Variants in MAML2 observed in about 807,000 individuals in gnomAD.
MAML2 encodes mastermind like transcriptional coactivator 2, also known as mastermind-like protein 2.
Under a neutral mutation model 96.1 loss-of-function variants are expected in MAML2, and 22 were observed. The ratio of observed to expected loss-of-function variants is 0.23; its 90% CI spans 0.16 to 0.33. The LOEUF (loss-of-function observed/expected upper bound fraction) is 0.33. Ranked by LOEUF, MAML2 falls within the 10% of genes least tolerant of loss-of-function variation. The probability of loss-of-function intolerance (pLI) is 1.00; values close to 1 mark genes in which losing one functional copy is unlikely to be tolerated. For synonymous variants in MAML2, 561 were observed against 521.3 expected (o/e 1.08, Z -1.04); for missense variants, 1,367 against 1,392.4 (o/e 0.98, Z 0.29).
intron 1 of MAML2, among the ~76,000 whole-genome samples, chr11:96,250,034 G>A (rs1384133189): frequency 2.6e-5 from 4 of 152,066 alleles, no homozygotes; most frequent in Non-Finnish European, 4.4e-5. Context: ...CTTTGCACTT[G>A]CTATTCCCTC....
In MAML2 at chr11:96,317,130, C is replaced by T. The variant is rs376988008; in HGVS notation, c.513+24253G>A. ...CCTGCTTGCATTCACTGAAATGGTG[C>T]CTGTGGAAGGAGTAAATTGTTCCAT... On this transcript the variant is annotated intron_variant, in intron 1 of 4. Coordinates refer to ENST00000524717, the MANE Select transcript of MAML2 (RefSeq NM_032427.4). Among the ~76,000 whole-genome samples the T allele has an allele frequency of 8.9e-4, 136 of 152,198 alleles. No homozygotes were observed. The Middle Eastern group carries it at 0.01, about 11-fold the overall frequency.
At chr11:96,222,325 T>C (rs1313688214) in intron 1 of MAML2, among the ~76,000 whole-genome samples, 1 of 152,166 alleles carries the variant, frequency 6.6e-6, no homozygotes, top group Non-Finnish European at 1.5e-5. Context: ...TGCACAGCAC[T>C]AGCAGTCACC....
intron 1 of MAML2, among the ~76,000 whole-genome samples, chr11:96,120,246 C>G (rs1034093323): frequency 6.6e-6 from 1 of 152,128 alleles, no homozygotes; most frequent in Non-Finnish European, 1.5e-5. Context: ...CGTGAGCCAC[C>G]GCGTCCGGCC....
Position 95,977,692 on chromosome 11 carries a change from C to T in MAML2, c.*1256G>A, listed in dbSNP as rs1168157587. 4.5e-6 allele frequency: 1 copy of T among 221,082 alleles called. No individual in the cohort carries two copies. The highest frequency in any genetic ancestry group is 9.0e-6 in the Non-Finnish European group (1 of 110,516). 13.7% of individuals were successfully genotyped at this position (221,082 alleles called of 1,614,324 possible). ...AAAACTCTTTAATACAGTGCTCAGCCCTGAGGGACAAAACCTGGATATGAA... is the reference window on the plus strand; with the variant it reads ...AAAACTCTTTAATACAGTGCTCAGCTCTGAGGGACAAAACCTGGATATGAA... On this transcript the variant is annotated 3_prime_UTR_variant, in exon 5 of 5. Transcript: ENST00000524717.
Position 95,978,876 on chromosome 11 carries a change from A to C in MAML2, c.*72T>G, listed in dbSNP as rs1207257780. 1.2e-5 allele frequency: 16 copies of C among 1,341,086 alleles called. No individual in the cohort carries two copies. The highest frequency in any genetic ancestry group is 1.5e-5 in the Non-Finnish European group (15 of 995,096). 83.1% of individuals were successfully genotyped at this position (1,341,086 alleles called of 1,614,324 possible). On this transcript the variant is annotated 3_prime_UTR_variant, in exon 5 of 5. Transcript: ENST00000524717. ...TAGTCCACCTGAACATCAACAGTTC[A>C]GCCTCTACAGAGTTTCTGTAATATA... is the stretch of plus-strand genomic sequence containing the variant.
intron 2 of MAML2, among the ~76,000 whole-genome samples, chr11:96,038,152 A>G (rs754578083): frequency 5.9e-5 from 9 of 152,202 alleles, no homozygotes; most frequent in Non-Finnish European, 1.2e-4. Context: ...ATTGAATTCT[A>G]TGGAATTTTA....
intron 1 of MAML2, among the ~76,000 whole-genome samples, chr11:96,306,435 C>G (rs1863462971): frequency 6.6e-6 from 1 of 152,178 alleles, no homozygotes; most frequent in African/African-American, 2.4e-5. Context: ...CTGAACCTAG[C>G]TCCCTTTGTG....
chr11:96,225,104 C>T (rs1234363304), intron 1 of MAML2, among the ~76,000 whole-genome samples: 1 of 152,206 alleles, frequency 6.6e-6, no homozygotes, highest in Non-Finnish European at 1.5e-5. Flanking sequence ...TGCTATTCCT[C>T]TTTTCAGAAA....
In MAML2 at chr11:96,341,468, T is replaced by G; in HGVS notation, c.428A>C (p.Asn143Thr). ...GTTTATCCCACCACTGCCACCATTA[T>G]TGCTACTGTTCAGCAGGTGCTGCTG... ...HHQQHLLNSS[N>T]NGGSGGINGE... The change falls in exon 1 of 5, where the codon AAT becomes ACT. Residue 143 changes from asparagine (N) to threonine (T), a missense_variant. Asn to Thr is a moderately conservative substitution (Grantham distance 65, BLOSUM62 0). Transcript: ENST00000524717. 5 of 1,551,558 alleles carry G rather than the reference T, an allele frequency of 3.2e-6. No homozygotes were observed. Among genetic ancestry groups the G allele is most frequent in the South Asian group, 1.2e-5 (1 of 84,040 alleles).
intron 1 of MAML2, among the ~76,000 whole-genome samples, chr11:96,107,141 G>A (rs1860036633): frequency 6.6e-6 from 1 of 151,898 alleles, no homozygotes; most frequent in African/African-American, 2.4e-5. Context: ...TTTTTGGCTT[G>A]TAACTGTTAT....
At chr11:96,030,335 G>A (rs1245804628) in intron 2 of MAML2, among the ~76,000 whole-genome samples, 4 of 152,092 alleles carry the variant, frequency 2.6e-5, no homozygotes, top group Non-Finnish European at 4.4e-5. Flanking sequence ...TACCAGGTAT[G>A]TGATGACCTA....
At chr11:96,051,420 T>C (rs1468557527) in intron 2 of MAML2, among the ~76,000 whole-genome samples, 2 of 152,188 alleles carry the variant, frequency 1.3e-5, no homozygotes, top group Admixed American at 6.5e-5. Flanking sequence ...TTAATAAGAA[T>C]TCTGTGAAGT....
At chr11:96,202,434 A>G (rs1394137268) in intron 1 of MAML2, among the ~76,000 whole-genome samples, 1 of 152,058 alleles carries the variant, frequency 6.6e-6, no homozygotes, top group African/African-American at 2.4e-5. Context: ...CATGGTCACC[A>G]GTTATGGAAT....
At chr11:96,283,340 A>AT (rs1268850047) in intron 1 of MAML2, among the ~76,000 whole-genome samples, 18 of 152,290 alleles carry the variant, frequency 1.2e-4, no homozygotes, top group African/African-American at 3.9e-4. Context: ...TCTTTAGCAC[A>AT]TTTTTTTGTA....
chr11:95,999,432 G>A (rs773416823), intron 2 of MAML2, among the ~76,000 whole-genome samples: 8 of 152,064 alleles, frequency 5.3e-5, no homozygotes, highest in Non-Finnish European at 1.2e-4. Flanking sequence ...AATATCCCTT[G>A]TTTCACTGAA....
intron 1 of MAML2, among the ~76,000 whole-genome samples, chr11:96,141,005 C>CAAGT (rs1372113787): frequency 6.6e-6 from 1 of 152,136 alleles, no homozygotes; most frequent in Non-Finnish European, 1.5e-5. Context: ...TTCAGACAAA[C>CAAGT]AAGTCATTTC....
intron 1 of MAML2, among the ~76,000 whole-genome samples, chr11:96,209,609 A>AAAAAAAC (rs61564435): frequency 4.2e-4 from 64 of 151,444 alleles, no homozygotes; most frequent in Middle Eastern, 3.4e-3. Context: ...AACAAACAAA[A>AAAAAAAC]AAGCAAAGTA....
intron 1 of MAML2, among the ~76,000 whole-genome samples, chr11:96,296,680 GA>G (rs1863305836): frequency 6.6e-6 from 1 of 151,980 alleles, no homozygotes; most frequent in African/African-American, 2.4e-5. Context: ...AAATAAATAA[GA>G]AGCAGAGAGA....
Position 95,978,372 on chromosome 11 carries a change from A to G in MAML2, c.*576T>C, listed in dbSNP as rs1006964225. 2.5e-5 allele frequency: 5 copies of G among 196,984 alleles called. No homozygotes were observed. Among genetic ancestry groups the G allele is most frequent in the Middle Eastern group, 1.7e-3 (1 of 584 alleles). The allele number at this position is 196,984 out of a possible 1,614,324, so 12.2% of individuals were successfully genotyped here. ...AAGTGAGGAGTGAATATGGGGAAGA[A>G]ATTCTGTAATCCACTGGATGTTTTC... On this transcript the variant is annotated 3_prime_UTR_variant, in exon 5 of 5. Transcript: ENST00000524717.
Sources: gnomAD v4.1 joint callset for allele counts (sites outside exome capture counted in the v4.1 genomes callset) on GRCh38, gnomAD v4.1.1 for gene constraint, MANE v1.5 for transcripts, NCBI Gene and HGNC (gene_info 2026-07-23, HGNC 2026-07-21) for gene names.